The following LSM12 variants were observed in gnomAD, a reference collection of about 807,000 sequenced individuals.
LSM12 encodes protein LSM12.
For synonymous variants in LSM12, 74 were observed against 87.3 expected (o/e 0.85, Z 0.85); for missense variants, 108 against 238.9 (o/e 0.45, Z 3.61).
intron 2 of LSM12, 121 bp downstream of exon 2, chr17:44,063,680 G>C (rs1235430511): frequency 2.6e-6 from 3 of 1,172,524 alleles, no homozygotes; most frequent in Non-Finnish European, 3.4e-6. Flanking sequence ...AAAGATATCA[G>C]AACAAACAAT....
chr17:44,046,743 TTTTC>T (rs998615046), intron 2 of LSM12, among the ~76,000 whole-genome samples: 10 of 137,114 alleles, frequency 7.3e-5, no homozygotes, highest in African/African-American at 1.7e-4. Flanking sequence ...TGTCAAACTG[TTTTC>T]TTTTTTTTTT....
At chr17:44,041,302 C>CACACACACACACACACACACAA (rs1567955830) in intron 2 of LSM12, among the ~76,000 whole-genome samples, 95 of 127,454 alleles carry the variant, frequency 7.5e-4, no homozygotes, top group Non-Finnish European at 1.3e-3. Context: ...CACACACACA[C>CACACACACACACACACACACAA]ACACACACAC....
intron 2 of LSM12, among the ~76,000 whole-genome samples, chr17:44,052,327 A>T (rs1031296350): frequency 2.2e-4 from 33 of 151,738 alleles, no homozygotes; most frequent in African/African-American, 5.3e-4. Context: ...AAAAAAAATT[A>T]AAAAAAATCA....
chr17:44,066,700 C>T (rs1490633991), upstream of LSM12: 16 of 1,215,934 alleles, frequency 1.3e-5, no homozygotes, highest in African/African-American at 1.6e-5. Flanking sequence ...CGTCACACGC[C>T]GGGGCGTGGC....
At chr17:44,064,049 C>G (rs2049835342) in intron 1 of LSM12, 115 bp from the exon 2 acceptor site, 1 of 1,124,106 alleles carries the variant, frequency 8.9e-7, no homozygotes, top group African/African-American at 1.6e-5. Context: ...AGGCCAGGAG[C>G]ATGAGGGCCT....
At chr17:44,046,755 TTTTC>T (rs2049573870) in intron 2 of LSM12, among the ~76,000 whole-genome samples, 2 of 118,208 alleles carry the variant, frequency 1.7e-5, no homozygotes. Flanking sequence ...TTCTTTTTTT[TTTTC>T]TTTTTTTTTT....
intron 4 of LSM12, 143 bp downstream of exon 4, chr17:44,037,269 A>G (rs955605021): frequency 3.0e-6 from 3 of 1,007,282 alleles, no homozygotes; most frequent in Non-Finnish European, 4.2e-6. Context: ...ACCCCACAGT[A>G]CAGGGAAGGC....
chr17:44,064,789 A>G (rs2049847909), intron 1 of LSM12, among the ~76,000 whole-genome samples: 2 of 151,974 alleles, frequency 1.3e-5, no homozygotes, highest in Admixed American at 1.3e-4. Flanking sequence ...CTAAACCACT[A>G]ATGTAAAAGG....
chr17:44,037,955 A>G (rs1362858116), intron 3 of LSM12, among the ~76,000 whole-genome samples: 1 of 152,216 alleles, frequency 6.6e-6, no homozygotes, highest in Non-Finnish European at 1.5e-5. Flanking sequence ...CCATAGTTGT[A>G]CAAAAGTAGC....
chr17:44,042,393 AAACT>A (rs2049506454), intron 2 of LSM12, among the ~76,000 whole-genome samples: 1 of 152,116 alleles, frequency 6.6e-6, no homozygotes, highest in Non-Finnish European at 1.5e-5. Context: ...ATCAAACCAT[AAACT>A]AAGCATAGCT....
intron 4 of LSM12, 105 bp from the exon 5 acceptor site, chr17:44,036,405 A>G: frequency 1.4e-6 from 2 of 1,445,652 alleles, no homozygotes; most frequent in Non-Finnish European, 9.6e-7. Context: ...TGTCCAGCCC[A>G]TTGGTGTCCA....
At chr17:44,052,759 T>TA (rs948606761) in intron 2 of LSM12, among the ~76,000 whole-genome samples, 4 of 150,432 alleles carry the variant, frequency 2.7e-5, no homozygotes, top group Non-Finnish European at 5.9e-5. Context: ...AACTCTGTCT[T>TA]AAAAAAAATA....
chr17:44,054,681 C>G (rs936181632), intron 2 of LSM12, among the ~76,000 whole-genome samples: 1 of 152,108 alleles, frequency 6.6e-6, no homozygotes, highest in East Asian at 1.9e-4. Flanking sequence ...ACTTGACATG[C>G]CCCTGCCACT....
In LSM12 at chr17:44,064,358, CCCAG is replaced by C. The variant is rs550724885; in HGVS notation, c.125-428_125-425del. Among the ~76,000 whole-genome samples the C allele has an allele frequency of 7.9e-5, 12 of 152,330 alleles. No individual in the cohort carries two copies. The South Asian group carries it at 1.7e-3, about 21-fold the overall frequency. On this transcript the variant is annotated intron_variant, in intron 1 of 4. Coordinates refer to ENST00000293406, the MANE Select transcript of LSM12 (RefSeq NM_001371445.1). ...TGGAAAGGAAATTCACCCAAGGTGACCCAGCCAGTTAATCCATTCATTCATTCAC... is the reference window on the plus strand; with the variant it reads ...TGGAAAGGAAATTCACCCAAGGTGACCCAGTTAATCCATTCATTCATTCAC...
At chr17:44,046,742 GTTTTCTTTTTTT>G (rs1435553810) in intron 2 of LSM12, among the ~76,000 whole-genome samples, 9 of 130,006 alleles carry the variant, frequency 6.9e-5, no homozygotes, top group Admixed American at 1.6e-4. Flanking sequence ...CTGTCAAACT[GTTTTCTTTTTTT>G]TTTTCTTTTT....
intron 2 of LSM12, among the ~76,000 whole-genome samples, chr17:44,052,757 CTT>C (rs915718810): frequency 6.7e-6 from 1 of 149,848 alleles, no homozygotes; most frequent in African/African-American, 2.4e-5. Flanking sequence ...GAAACTCTGT[CTT>C]AAAAAAAATA....
At chr17:44,039,569 G>A (rs1177401665) in intron 3 of LSM12, among the ~76,000 whole-genome samples, 5 of 150,126 alleles carry the variant, frequency 3.3e-5, no homozygotes, top group Non-Finnish European at 7.4e-5. Context: ...TTTTAGTAGA[G>A]ACGGGGTTTC....
At chr17:44,043,292 G>A (rs1438618223) in intron 2 of LSM12, among the ~76,000 whole-genome samples, 2 of 152,206 alleles carry the variant, frequency 1.3e-5, no homozygotes. Context: ...AGGATCTCTA[G>A]GACATGGAGA....
In LSM12 at chr17:44,063,948, A is replaced by C; in HGVS notation, c.125-14T>G. The stretch of plus-strand genomic sequence containing the variant: ...AAGAGGGACATTCTGGTGAGAAAAA[A>C]AAAAGTTAAGGAAAAATAGGACAAG... On this transcript the variant is annotated splice_polypyrimidine_tract_variant and intron_variant, in intron 1 of 4. Coordinates refer to ENST00000293406, the MANE Select transcript of LSM12 (RefSeq NM_001371445.1). 1 of 1,609,306 alleles carries C rather than the reference A, an allele frequency of 6.2e-7. No individual in the cohort carries two copies. The highest frequency in any genetic ancestry group is 1.1e-5 in the South Asian group (1 of 90,724).
Sources: allele counts gnomAD v4.1 joint callset (sites outside exome capture counted in the v4.1 genomes callset), GRCh38; gene constraint gnomAD v4.1.1; transcripts MANE v1.5; gene names NCBI Gene and HGNC (gene_info 2026-07-23, HGNC 2026-07-21).